Variants in ARHGAP24 observed in about 807,000 individuals in gnomAD.
ARHGAP24 encodes Rho GTPase activating protein 24, also known as rho GTPase-activating protein 24.
In ARHGAP24, 50 loss-of-function variants were observed where a neutral mutation model predicts 76.4. The observed-to-expected ratio is 0.65, with a 90% CI of 0.52 to 0.83. The LOEUF (loss-of-function observed/expected upper bound fraction) is 0.83, where lower values mean the gene tolerates loss of function less well. Ranked by LOEUF, ARHGAP24 falls within the 40% of genes least tolerant of loss-of-function variation. ARHGAP24 has a pLI of 0.00. For synonymous variants in ARHGAP24, 345 were observed against 323.3 expected (o/e 1.07, Z -0.72); for missense variants, 930 against 914.2 (o/e 1.02, Z -0.22).
chr4:85,977,507 G>A (rs754435813), intron 7 of ARHGAP24, 63 bp from the exon 8 acceptor site: 15 of 1,573,690 alleles, frequency 9.5e-6, no homozygotes, highest in African/African-American at 4.0e-5. Flanking sequence ...TCTAATGATC[G>A]ATTTTTCTTC....
chr4:85,508,923 T>C (rs961714197), intron 1 of ARHGAP24, among the ~76,000 whole-genome samples: 26 of 152,132 alleles, frequency 1.7e-4, no homozygotes, highest in African/African-American at 5.8e-4. Context: ...CCTCTCTCCC[T>C]GTGTGAGTCT....
At chr4:85,930,682 G>GAAA in intron 4 of ARHGAP24, 1 of 1,110,680 alleles carries the variant, frequency 9.0e-7, no homozygotes, top group Middle Eastern at 3.7e-4. Context: ...TTAAAAAAAA[G>GAAA]AAAAAAAAAA....
rs74735409 is a variant in ARHGAP24, at chr4:85,828,302, A to G, written c.269-95346A>G. On this transcript the variant is annotated intron_variant, in intron 3 of 9. Transcript: ENST00000395184. ...TTCCAGTGCTAATTTGAAGGAATAT[A>G]AAAACTGCTTCCGATAAAAATCTAA... Among the ~76,000 whole-genome samples, 1,307 of 152,300 alleles carry G rather than the reference A, an allele frequency of 8.6e-3. 24 individuals are homozygous for G. The highest frequency in any genetic ancestry group is 0.03 in the African/African-American group (1,226 of 41,558).
intron 3 of ARHGAP24, among the ~76,000 whole-genome samples, chr4:85,795,061 A>G (rs1728289117): frequency 1.3e-5 from 2 of 152,236 alleles, no homozygotes; most frequent in African/African-American, 4.8e-5. Context: ...GATAATCTCC[A>G]GTGCCAAGGA....
chr4:85,997,439 A>G (rs899249464), intron 9 of ARHGAP24, among the ~76,000 whole-genome samples: 7 of 152,092 alleles, frequency 4.6e-5, no homozygotes, highest in South Asian at 2.1e-4. Context: ...TTAATTATCA[A>G]TAAGATATAT....
At chr4:85,629,171 T>A (rs1300223853) in intron 2 of ARHGAP24, among the ~76,000 whole-genome samples, 3 of 152,152 alleles carry the variant, frequency 2.0e-5, no homozygotes, top group African/African-American at 7.2e-5. Flanking sequence ...ACAAAGAACC[T>A]CTTATAGTTA....
At chr4:85,485,543 A>G (rs1723016330) in intron 1 of ARHGAP24, among the ~76,000 whole-genome samples, 1 of 150,914 alleles carries the variant, frequency 6.6e-6, no homozygotes, top group South Asian at 2.1e-4. Flanking sequence ...ACATTGAGAA[A>G]AGATTTGGGA....
At chr4:85,890,882 T>G (rs542679652) in intron 3 of ARHGAP24, among the ~76,000 whole-genome samples, 49 of 152,192 alleles carry the variant, frequency 3.2e-4, no homozygotes, top group Non-Finnish European at 1.9e-4. Flanking sequence ...GGACCTTGTT[T>G]CATTCACTTC....
chr4:85,662,808 G>T (rs1277864210), intron 2 of ARHGAP24, among the ~76,000 whole-genome samples: 1 of 152,120 alleles, frequency 6.6e-6, no homozygotes, highest in African/African-American at 2.4e-5. Context: ...TCTCAGGTTT[G>T]TCAAAGATCA....
intron 1 of ARHGAP24, among the ~76,000 whole-genome samples, chr4:85,494,032 T>C (rs1399080318): frequency 6.6e-6 from 1 of 152,226 alleles, no homozygotes; most frequent in Non-Finnish European, 1.5e-5. Flanking sequence ...TTGACCTGAA[T>C]ATTTACATAC....
chr4:85,661,503 A>T (rs940366849), intron 2 of ARHGAP24, among the ~76,000 whole-genome samples: 21 of 152,066 alleles, frequency 1.4e-4, no homozygotes, highest in Non-Finnish European at 2.9e-5. Flanking sequence ...TAACAAATGT[A>T]TAGCTTCTGC....
intron 2 of ARHGAP24, among the ~76,000 whole-genome samples, chr4:85,703,388 C>G (rs1340260336): frequency 6.6e-6 from 1 of 152,094 alleles, no homozygotes; most frequent in Non-Finnish European, 1.5e-5. Context: ...TTTACGTTGA[C>G]TTGGCTGGCA....
At chr4:85,763,976 A>T (rs1316399199) in intron 3 of ARHGAP24, among the ~76,000 whole-genome samples, 2 of 152,194 alleles carry the variant, frequency 1.3e-5, no homozygotes, top group Non-Finnish European at 2.9e-5. Context: ...TTTTAATATC[A>T]ATGTACATAT....
At chr4:85,655,818 A>AGAGAGAGAGAGAGAAAGAGAG (rs1237643654) in intron 2 of ARHGAP24, among the ~76,000 whole-genome samples, 3 of 35,526 alleles carry the variant, frequency 8.4e-5, no homozygotes, top group South Asian at 7.7e-4. Flanking sequence ...GAGAGAGAGA[A>AGAGAGAGAGAGAGAAAGAGAG]AGAGAGAGAG....
intron 1 of ARHGAP24, among the ~76,000 whole-genome samples, chr4:85,494,886 C>G (rs534954207): frequency 5.5e-4 from 83 of 151,770 alleles, no homozygotes; most frequent in African/African-American, 2.0e-3. Flanking sequence ...ATCATGAGGT[C>G]AGGAGTTCGA....
At chr4:85,535,379 T>C (rs902109205) in intron 1 of ARHGAP24, among the ~76,000 whole-genome samples, 1 of 152,174 alleles carries the variant, frequency 6.6e-6, no homozygotes, top group African/African-American at 2.4e-5. Context: ...GAATCAGATA[T>C]GTATGGTAAA....
At chr4:85,785,391 C>G (rs1727787325) in intron 3 of ARHGAP24, among the ~76,000 whole-genome samples, 2 of 151,910 alleles carry the variant, frequency 1.3e-5, no homozygotes, top group African/African-American at 4.8e-5. Context: ...TGGTCTTGGC[C>G]CGATTGCAAG....
chr4:85,627,685 AG>A (rs1163404433), intron 2 of ARHGAP24, among the ~76,000 whole-genome samples: 1 of 152,228 alleles, frequency 6.6e-6, no homozygotes, highest in Non-Finnish European at 1.5e-5. Context: ...CTACAGACGC[AG>A]GCAGGCCTCC....
intron 3 of ARHGAP24, among the ~76,000 whole-genome samples, chr4:85,902,988 A>T (rs1734586446): frequency 6.6e-6 from 1 of 152,228 alleles, no homozygotes; most frequent in Admixed American, 6.5e-5. Context: ...AAAGGTATTA[A>T]CTGTTCTGTT....
Sources: allele counts gnomAD v4.1 joint callset (sites outside exome capture counted in the v4.1 genomes callset), GRCh38; gene constraint gnomAD v4.1.1; transcripts MANE v1.5; gene names NCBI Gene and HGNC (gene_info 2026-07-23, HGNC 2026-07-21).